Variants in TMLHE observed in about 807,000 individuals in gnomAD.
The protein encoded by TMLHE is trimethyllysine dioxygenase, mitochondrial.
In TMLHE, 18 loss-of-function variants were observed where a neutral mutation model predicts 25.7. The ratio of observed to expected loss-of-function variants is 0.70; its 90% CI spans 0.48 to 1.04. TMLHE has a LOEUF of 1.04. Among genes scored for constraint, TMLHE ranks in the 50% least tolerant of loss-of-function variants. The probability of loss-of-function intolerance (pLI) is 0.00; values close to 1 mark genes in which losing one functional copy is unlikely to be tolerated. For synonymous variants in TMLHE, 105 were observed against 97.0 expected, an observed-to-expected ratio of 1.08 and a Z score of -0.49; for missense variants, 236 against 259.0, an observed-to-expected ratio of 0.91 and a Z score of 0.61.
intron 1 of TMLHE, among the ~76,000 whole-genome samples, chrX:155,594,139 A>AT (rs781838544): frequency 1.8e-5 from 2 of 111,941 alleles, no homozygotes; most frequent in Non-Finnish European, 3.8e-5. Flanking sequence ...AAGACACAAT[A>AT]ATCAAACTGT....
rs1488395492 is a variant in TMLHE at position 155,571,488 on chromosome X, G to A, written c.-1-26211C>T. Among the ~76,000 whole-genome samples, 3 of 54,127 alleles carry A rather than the reference G, an allele frequency of 5.5e-5. 1 individual carries two copies. The highest frequency in any genetic ancestry group is 1.3e-4 in the African/African-American group (3 of 22,383). 47.0% of individuals were successfully genotyped at this position (54,127 alleles called of 115,157 possible). ...AATCCTCCCTAACTCATTTTATGAG[G>A]CCAGCATCATCCTGATACCAAAGCC... On this transcript the variant is annotated intron_variant, in intron 1 of 7. Coordinates refer to ENST00000334398, the MANE Select transcript of TMLHE (RefSeq NM_018196.4).
intron 2 of TMLHE, among the ~76,000 whole-genome samples, chrX:155,539,895 C>T (rs782124448): frequency 5.5e-5 from 6 of 109,870 alleles, no homozygotes; most frequent in African/African-American, 2.0e-4. Flanking sequence ...ATCTAATAAT[C>T]GAATTGGAGA....
At chrX:155,545,048 T>C in intron 2 of TMLHE, 48 bp downstream of exon 2, 1 of 1,177,217 alleles carries the variant, frequency 8.5e-7, no homozygotes, top group Non-Finnish European at 1.1e-6. Flanking sequence ...AAAGCAAACA[T>C]TTCTTACCAC....
chrX:155,597,022 TC>T (rs1230408149), intron 1 of TMLHE, among the ~76,000 whole-genome samples: 1 of 56,810 alleles, frequency 1.8e-5, no homozygotes, highest in African/African-American at 7.1e-5. Context: ...ATGCTATCCC[TC>T]CCCCCTCCCC....
At chrX:155,560,388 A>G (rs1265470570) in intron 1 of TMLHE, among the ~76,000 whole-genome samples, 4 of 110,317 alleles carry the variant, frequency 3.6e-5, no homozygotes, top group African/African-American at 1.3e-4. Context: ...CAGTGAACAA[A>G]GAAGACAAAA....
intron 2 of TMLHE, among the ~76,000 whole-genome samples, chrX:155,527,883 G>A (rs1557336701): frequency 9.0e-6 from 1 of 111,489 alleles, no homozygotes; most frequent in African/African-American, 3.3e-5. Flanking sequence ...TAAAAGAGAA[G>A]TAACAGGAAA....
chrX:155,504,550 C>T (rs1449740626), intron 6 of TMLHE, among the ~76,000 whole-genome samples: 1 of 109,555 alleles, frequency 9.1e-6, no homozygotes, highest in Non-Finnish European at 1.9e-5. Flanking sequence ...GTGGCATGTC[C>T]TTGGAACAGC....
At chrX:155,599,019 C>T (rs2067740724) in intron 1 of TMLHE, among the ~76,000 whole-genome samples, 1 of 111,436 alleles carries the variant, frequency 9.0e-6, no homozygotes, top group South Asian at 3.8e-4. Context: ...CCTAGTCCTC[C>T]TCCTTCTCAG....
chrX:155,524,986 G>A (rs1480651935), intron 2 of TMLHE, among the ~76,000 whole-genome samples: 1 of 111,973 alleles, frequency 8.9e-6, no homozygotes, highest in Non-Finnish European at 1.9e-5. Context: ...AGATAAATTT[G>A]TGTCTGTATG....
intron 2 of TMLHE, among the ~76,000 whole-genome samples, chrX:155,533,334 G>T (rs2067259643): frequency 9.2e-6 from 1 of 108,806 alleles, no homozygotes; most frequent in Non-Finnish European, 1.9e-5. Flanking sequence ...TGTGTGAGCT[G>T]ATTCCTTTAC....
chrX:155,511,693 G>A lies in TMLHE; in HGVS notation c.738C>T (p.Thr246=). The part of the protein sequence containing the change: ...KLALDRHTDT[T]YFQEPCGIQV... ...CCTACCCACAGGGCTCTTGAAAATAGGTAGTGTCAGTGTGCCGATCCAGAG... is the reference window on the plus strand; with the variant it reads ...CCTACCCACAGGGCTCTTGAAAATAAGTAGTGTCAGTGTGCCGATCCAGAG... The change falls in exon 5 of 8, where the codon ACC becomes ACT. Residue 246 remains threonine, a synonymous_variant. Transcript: ENST00000334398. 2 of 1,201,525 alleles carry A rather than the reference G, an allele frequency of 1.7e-6. No homozygotes were observed. The highest frequency in any genetic ancestry group is 2.2e-6 in the Non-Finnish European group (2 of 888,923).
chrX:155,569,229 G>T lies in TMLHE; in HGVS notation c.-1-23952C>A, dbSNP rs1225013748. On this transcript the variant is annotated intron_variant, in intron 1 of 7. Transcript: ENST00000334398. ...CCGATGCGATCACCTGGAAGAAAGG[G>T]TATCAGTGATAGAAGATGAAATGAA... 3.5e-5 allele frequency among the ~76,000 whole-genome samples: 2 copies of T among 57,316 alleles called. 1 individual carries two copies. The highest frequency in any genetic ancestry group is 4.1e-4 in the Admixed American group (2 of 4,915). The allele number at this position is 57,316 out of a possible 115,157, so 49.8% of individuals were successfully genotyped here.
At chrX:155,578,668 G>A (rs902100556) in intron 1 of TMLHE, among the ~76,000 whole-genome samples, 6 of 111,236 alleles carry the variant, frequency 5.4e-5, no homozygotes, top group Non-Finnish European at 9.4e-5. Flanking sequence ...CCATAAACCC[G>A]GCCAAACATT....
intron 1 of TMLHE, among the ~76,000 whole-genome samples, chrX:155,593,684 TAAATG>T (rs2067704898): frequency 8.9e-6 from 1 of 111,941 alleles, no homozygotes; most frequent in South Asian, 3.7e-4. Context: ...GATAAAAAAT[TAAATG>T]AAATTTGGAA....
chrX:155,549,735 T>C (rs1444651327), intron 1 of TMLHE, among the ~76,000 whole-genome samples: 2 of 110,125 alleles, frequency 1.8e-5, no homozygotes, highest in Admixed American at 9.6e-5. Flanking sequence ...ATGCTGGGTT[T>C]TTAAAATTGT....
intron 1 of TMLHE, among the ~76,000 whole-genome samples, chrX:155,594,222 C>CT (rs2124488356): frequency 9.0e-6 from 1 of 111,683 alleles, no homozygotes; most frequent in Admixed American, 9.5e-5. Flanking sequence ...AAGGGAATAT[C>CT]AATATGGCTA....
chrX:155,557,021 C>T (rs1438354509), intron 1 of TMLHE, among the ~76,000 whole-genome samples: 2 of 112,286 alleles, frequency 1.8e-5, no homozygotes, highest in East Asian at 2.8e-4. Flanking sequence ...TCTCTTATTC[C>T]CTGAACAACT....
chrX:155,580,952 G>C (rs1218379269), intron 1 of TMLHE, among the ~76,000 whole-genome samples: 1 of 111,738 alleles, frequency 8.9e-6, no homozygotes, highest in Non-Finnish European at 1.9e-5. Flanking sequence ...AAATCTATCA[G>C]CACATCAAAA....
In TMLHE at chrX:155,514,280, A is replaced by C. The variant is rs2067137918; in HGVS notation, c.359-15T>G. On this transcript the variant is annotated splice_polypyrimidine_tract_variant and intron_variant, in intron 3 of 7. Transcript: ENST00000334398. ...ACCATCTGGCCCTTTTAAGGGGAAAAATAAAAGGCACTATAATAATTACAA... is the reference window on the plus strand; with the variant it reads ...ACCATCTGGCCCTTTTAAGGGGAAACATAAAAGGCACTATAATAATTACAA... 1 of 1,179,918 alleles carries C rather than the reference A, an allele frequency of 8.5e-7. No individual in the cohort carries two copies. The highest frequency in any genetic ancestry group is 1.8e-5 in the African/African-American group (1 of 55,815).
Sources: gnomAD v4.1 joint callset for allele counts (sites outside exome capture counted in the v4.1 genomes callset) on GRCh38, gnomAD v4.1.1 for gene constraint, MANE v1.5 for transcripts, NCBI Gene and HGNC (gene_info 2026-07-23, HGNC 2026-07-21) for gene names.